The following AIFM2 variants were observed in gnomAD, a reference collection of about 807,000 sequenced individuals.
AIFM2 encodes the protein ferroptosis suppressor protein 1.
A neutral mutation model predicts 35.7 loss-of-function variants in AIFM2; 38 were observed. The observed-to-expected ratio is 1.06, with a 90% CI of 0.82 to 1.39. The LOEUF is 1.39. AIFM2 is among the 40% of genes most tolerant of loss of function. AIFM2 has a pLI of 0.00. For missense variants in AIFM2, 476 were observed against 491.2 expected, an observed-to-expected ratio of 0.97 and a Z score of 0.29; for synonymous variants, 185 against 203.5, an observed-to-expected ratio of 0.91 and a Z score of 0.77.
chr10:70,128,520 G>A (rs1009528143), intron 1 of AIFM2, among the ~76,000 whole-genome samples: 4 of 152,184 alleles, frequency 2.6e-5, no homozygotes, highest in Non-Finnish European at 4.4e-5. Flanking sequence ...CATCATGCCC[G>A]GCTAATTGTT....
Position 70,116,666 on chromosome 10 carries a change from C to T in AIFM2, c.725G>A (p.Cys242Tyr). The T allele has an allele frequency of 1.9e-6, 3 of 1,614,188 alleles. No homozygotes were observed. The highest frequency in any genetic ancestry group is 1.3e-5 in the African/African-American group (1 of 75,062). Reference protein sequence around the residue: ...TEVATNLVILCTGIKINSSAY... With the variant: ...TEVATNLVILYTGIKINSSAY... ...GGAGCTGTTGATCTTGATGCCGGTG[C>T]AGAGAATCACCAGGTTGGTGGCCAC... The change falls in exon 7 of 9, where the codon TGC becomes TAC. Residue 242 changes from cysteine to tyrosine, a missense_variant. Transcript: ENST00000307864.
rs987994770 is a variant in AIFM2 at position 70,112,651 on chromosome 10, C to A, written c.*1527G>T. On this transcript the variant is annotated 3_prime_UTR_variant, in exon 9 of 9. Coordinates refer to ENST00000307864, the MANE Select transcript of AIFM2 (RefSeq NM_032797.6). ...GGACTCTGCCCGAGTACCCAGAGGC[C>A]ACCATCAAAAGGGAGCAGGGAGGGG... 6.6e-6 allele frequency: 1 copy of A among 151,258 alleles called. No homozygotes were observed. Among genetic ancestry groups the A allele is most frequent in the African/African-American group, 2.4e-5 (1 of 41,306 alleles). 9.4% of individuals were successfully genotyped at this position (151,258 alleles called of 1,614,324 possible).
intron 2 of AIFM2, 114 bp downstream of exon 2, chr10:70,123,793 G>A: frequency 8.7e-7 from 1 of 1,155,428 alleles, no homozygotes; most frequent in South Asian, 1.8e-5. Flanking sequence ...GTCTGACAGT[G>A]GAATGCAGGC....
chr10:70,120,077 G>C (rs986410398), intron 5 of AIFM2, among the ~76,000 whole-genome samples: 9 of 152,386 alleles, frequency 5.9e-5, no homozygotes, highest in Middle Eastern at 3.4e-3. Flanking sequence ...AGAGACCAAA[G>C]CAACAACTGA....
At chr10:70,121,315 C>A (rs1319676080) in intron 3 of AIFM2, 104 bp from the exon 4 acceptor site, 1 of 1,403,140 alleles carries the variant, frequency 7.1e-7, no homozygotes, top group African/African-American at 1.5e-5. Context: ...GCCTGCCAGC[C>A]GGGACAAACC....
At chr10:70,120,648 A>C in intron 4 of AIFM2, 49 bp from the exon 5 acceptor site, 1 of 1,585,842 alleles carries the variant, frequency 6.3e-7, no homozygotes, top group Non-Finnish European at 8.6e-7. Flanking sequence ...ACACCTACAC[A>C]TCCACCTCTG....
chr10:70,116,811 C>A, intron 6 of AIFM2, 37 bp from the exon 7 acceptor site: 1 of 1,609,868 alleles, frequency 6.2e-7, no homozygotes, highest in Non-Finnish European at 8.5e-7. Context: ...CTGGTGGGGA[C>A]AGGGACCCCA....
In AIFM2 at chr10:70,121,172, T is replaced by C; in HGVS notation, c.334A>G (p.Thr112Ala). The change falls in exon 4 of 9, where the codon ACT (threonine) becomes GCT (alanine). Residue 112 changes from threonine (T) to alanine (A), a missense_variant. Physicochemically the swap from Thr to Ala is moderately conservative, Grantham distance 58. Transcript: ENST00000307864. ...TTAAACTTGCCCGGGAAGGGCCCAGTGCTGCCCGTGGCCAGGATAAGATGA... is the reference window on the plus strand; with the variant it reads ...TTAAACTTGCCCGGGAAGGGCCCAGCGCTGCCCGTGGCCAGGATAAGATGA... ...FSHLILATGSTGPFPGKFNEV... is the reference protein window; with the variant it reads ...FSHLILATGSAGPFPGKFNEV... 6.6e-7 allele frequency: 1 copy of C among 1,520,584 alleles called. No individual in the cohort carries two copies. Among genetic ancestry groups the C allele is most frequent in the Non-Finnish European group, 8.8e-7 (1 of 1,133,922 alleles). The allele number at this position is 1,520,584 out of a possible 1,614,324, so 94.2% of individuals were successfully genotyped here.
intron 1 of AIFM2, among the ~76,000 whole-genome samples, chr10:70,129,545 G>A (rs578061860): frequency 3.9e-5 from 6 of 152,048 alleles, no homozygotes; most frequent in Non-Finnish European, 8.8e-5. Flanking sequence ...CCATATCTTC[G>A]ATTTAAGGTA....
chr10:70,123,915 A>G lies in AIFM2; in HGVS notation c.170T>C (p.Val57Ala). 1 of 1,585,158 alleles carries G rather than the reference A, an allele frequency of 6.3e-7. No homozygotes were observed. Among genetic ancestry groups the G allele is most frequent in the Non-Finnish European group, 8.6e-7 (1 of 1,160,408 alleles). The stretch of plus-strand genomic sequence containing the variant: ...AGACGGGAGCACATTACCTGTCTCC[A>G]CGGAGGCTCGGAGAGCAGCCACATT... ...HHNVAALRAS[V>A]ETGFAKKTFI... Residue 57 changes from valine (V) to alanine (A), a missense_variant, in exon 2 of 9, where the codon GTG becomes GCG. Transcript: ENST00000307864.
chr10:70,114,979 A>T lies in AIFM2; in HGVS notation c.911T>A (p.Ile304Asn). Residue 304 changes from isoleucine to asparagine, a missense_variant, in exon 8 of 9, where the codon ATC becomes AAC. Transcript: ENST00000307864. ...AGAGTTGACGATGTTGGCCACGGCG[A>T]TGTTGGCGTGGAGGCCGGCAAGATA... is the stretch of plus-strand genomic sequence containing the variant. ...MAYLAGLHAN[I>N]AVANIVNSVK... 1 of 1,614,190 alleles carries T rather than the reference A, an allele frequency of 6.2e-7. No homozygotes were observed. The highest frequency in any genetic ancestry group is 8.5e-7 in the Non-Finnish European group (1 of 1,180,026).
chr10:70,129,368 T>C (rs2072603299), intron 1 of AIFM2, among the ~76,000 whole-genome samples: 2 of 151,932 alleles, frequency 1.3e-5, no homozygotes, highest in Non-Finnish European at 2.9e-5. Context: ...TATATATATA[T>C]ATATAAAATA....
At chr10:70,125,083 T>G (rs548176702) in intron 1 of AIFM2, among the ~76,000 whole-genome samples, 24 of 152,290 alleles carry the variant, frequency 1.6e-4, no homozygotes, top group African/African-American at 5.3e-4. Flanking sequence ...TGACTCAGCA[T>G]GAAGGCCCTC....
rs1241875224 is a variant in AIFM2, at chr10:70,131,119, AG to A, written c.-14+1614del. ...GGTTGTGCCTCAGAAGACACACAGC[AG>A]GAACCGTGTGGGCTCTGATCAAAGC... is the stretch of plus-strand genomic sequence containing the variant. On this transcript the variant is annotated intron_variant, in intron 1 of 8. Transcript: ENST00000307864. The surrounding 1 kb of genome is among the most constrained non-coding windows in gnomAD (Gnocchi z 4.1). 1.3e-5 allele frequency among the ~76,000 whole-genome samples: 2 copies of A among 152,262 alleles called. No homozygotes were observed. Among genetic ancestry groups the A allele is most frequent in the Non-Finnish European group, 2.9e-5 (2 of 68,038 alleles).
At chr10:70,127,169 G>A (rs181308471) in intron 1 of AIFM2, among the ~76,000 whole-genome samples, 1 of 152,228 alleles carries the variant, frequency 6.6e-6, no homozygotes, top group Non-Finnish European at 1.5e-5. Flanking sequence ...ACCAGCCCCT[G>A]GCAGCGTGCA....
intron 1 of AIFM2, among the ~76,000 whole-genome samples, chr10:70,126,510 T>C (rs2072567581): frequency 6.6e-6 from 1 of 152,168 alleles, no homozygotes; most frequent in Admixed American, 6.5e-5. Context: ...GCCCTGATCA[T>C]CTTTGCGGGT....
At chr10:70,123,269 T>C in intron 3 of AIFM2, 136 bp downstream of exon 3, 1 of 670,692 alleles carries the variant, frequency 1.5e-6, no homozygotes, top group South Asian at 1.9e-5. Context: ...TCCGCCCGCC[T>C]TGGCCTCCCA....
chr10:70,121,784 T>C (rs1475929030), intron 3 of AIFM2, among the ~76,000 whole-genome samples: 1 of 140,570 alleles, frequency 7.1e-6, no homozygotes, highest in Admixed American at 6.8e-5. Context: ...TTTAATTTTT[T>C]TAAATTAAAA....
chr10:70,123,579 G>T, intron 2 of AIFM2, 59 bp from the exon 3 acceptor site: 1 of 1,471,444 alleles, frequency 6.8e-7, no homozygotes, highest in Non-Finnish European at 9.5e-7. Context: ...CGGGAAGCCA[G>T]AGTGACTCAG....
Sources: gnomAD v4.1 joint callset for allele counts (sites outside exome capture counted in the v4.1 genomes callset) on GRCh38, gnomAD v4.1.1 for gene constraint, Gnocchi (gnomAD v3.1) non-coding constraint, MANE v1.5 for transcripts, NCBI Gene and HGNC (gene_info 2026-07-23, HGNC 2026-07-21) for gene names.